SLC24A2: variants seen among roughly 807,000 people sequenced by gnomAD.
SLC24A2 encodes the protein sodium/potassium/calcium exchanger 2.
Under a neutral mutation model 62.0 loss-of-function variants are expected in SLC24A2, and 36 were observed. The ratio of observed to expected loss-of-function variants is 0.58; its 90% CI spans 0.44 to 0.77. SLC24A2 has a LOEUF of 0.77. Among genes scored for constraint, SLC24A2 ranks in the 30% least tolerant of loss-of-function variants. SLC24A2 has a pLI of 0.00. For synonymous variants in SLC24A2, 358 were observed against 294.0 expected (o/e 1.22, Z -2.23); for missense variants, 846 against 817.9 (o/e 1.03, Z -0.42).
chr9:19,566,153 G>C lies in SLC24A2; in HGVS notation c.1347+7198C>G, dbSNP rs555149264. ...ACTAAGGAGCTTCTGCACAGCAAAAGAAACTACCATCAGAGTGAACAGGCA... is the reference window on the plus strand; with the variant it reads ...ACTAAGGAGCTTCTGCACAGCAAAACAAACTACCATCAGAGTGAACAGGCA... On this transcript the variant is annotated intron_variant, in intron 7 of 10. Transcript: ENST00000341998. 4.3e-4 allele frequency among the ~76,000 whole-genome samples: 65 copies of C among 152,070 alleles called. No individual in the cohort carries two copies. The East Asian group carries it at 0.011, about 27-fold the overall frequency.
In SLC24A2 at chr9:19,514,010, C is replaced by T. The variant is rs2132614468; in HGVS notation, c.*2143G>A. The T allele has an allele frequency of 6.6e-6, 1 of 152,352 alleles. No individual in the cohort carries two copies. The highest frequency in any genetic ancestry group is 2.1e-4 in the South Asian group (1 of 4,826). 9.4% of individuals were successfully genotyped at this position (152,352 alleles called of 1,614,324 possible). A position where few individuals can be genotyped will look rare whatever the true frequency, so the allele number is the denominator to read the frequency against. ...CAATGTCTTGGAAGGCATTGTCCCACATCTGAAGACCCCAATCTGCCGAGT... is the reference window on the plus strand; with the variant it reads ...CAATGTCTTGGAAGGCATTGTCCCATATCTGAAGACCCCAATCTGCCGAGT... On this transcript the variant is annotated 3_prime_UTR_variant, in exon 11 of 11. Transcript: ENST00000341998.
chr9:20,171,711 T>C, the SLC24A2 span, among the ~76,000 whole-genome samples: 1 of 151,914 alleles, frequency 6.6e-6, no homozygotes, highest in Non-Finnish European at 1.5e-5. Context: ...GCTCCCAAAT[T>C]TATAAAACAA....
chr9:20,071,143 A>G, the SLC24A2 span, among the ~76,000 whole-genome samples: 1 of 152,188 alleles, frequency 6.6e-6, no homozygotes, highest in African/African-American at 2.4e-5. Context: ...CCACTCTAGA[A>G]GCAGAAGCTG....
At chr9:20,209,660 C>T in the SLC24A2 span, among the ~76,000 whole-genome samples, 3 of 152,130 alleles carry the variant, frequency 2.0e-5, no homozygotes, top group Non-Finnish European at 4.4e-5. Context: ...TGAAACCAAA[C>T]GCCAGCCACA....
At chr9:20,269,575 A>G in the SLC24A2 span, among the ~76,000 whole-genome samples, 1 of 152,150 alleles carries the variant, frequency 6.6e-6, no homozygotes, top group African/African-American at 2.4e-5. Flanking sequence ...TCTGCTTTTC[A>G]TGTACCCCTG....
At chr9:20,036,800 A>T in the SLC24A2 span, among the ~76,000 whole-genome samples, 1 of 152,192 alleles carries the variant, frequency 6.6e-6, no homozygotes, top group African/African-American at 2.4e-5. Flanking sequence ...CAAATGGTGT[A>T]GTATTTGCAT....
At chr9:19,526,000 AT>A (rs1833432278) in intron 9 of SLC24A2, among the ~76,000 whole-genome samples, 1 of 151,814 alleles carries the variant, frequency 6.6e-6, no homozygotes, top group African/African-American at 2.4e-5. Flanking sequence ...GTCACTCCCC[AT>A]TTTCCCCCAA....
the SLC24A2 span, among the ~76,000 whole-genome samples, chr9:20,027,277 G>A: frequency 6.6e-6 from 1 of 152,052 alleles, no homozygotes; most frequent in African/African-American, 2.4e-5. Context: ...ACTACCATAT[G>A]ATCCAGCAAT....
chr9:20,295,053 T>TACACACACACATACAC, the SLC24A2 span, among the ~76,000 whole-genome samples: 2 of 144,374 alleles, frequency 1.4e-5, no homozygotes, highest in East Asian at 4.2e-4. Flanking sequence ...TATATATATA[T>TACACACACACATACAC]ACACACACAC....
At chr9:20,253,762 C>A in the SLC24A2 span, among the ~76,000 whole-genome samples, 1 of 152,172 alleles carries the variant, frequency 6.6e-6, no homozygotes, top group Non-Finnish European at 1.5e-5. Flanking sequence ...TTCAGTCATG[C>A]AACCACACTT....
At chr9:20,127,752 A>G in the SLC24A2 span, among the ~76,000 whole-genome samples, 1 of 152,124 alleles carries the variant, frequency 6.6e-6, no homozygotes, top group Non-Finnish European at 1.5e-5. Flanking sequence ...AAGAAGTGCT[A>G]ACCATAGTGC....
chr9:19,812,022 T>C, the SLC24A2 span, among the ~76,000 whole-genome samples: 1 of 152,182 alleles, frequency 6.6e-6, no homozygotes, highest in South Asian at 2.1e-4. Context: ...TTTTGAAGAA[T>C]AATTTCACTG....
rs559584730 is a variant in SLC24A2 at position 19,597,109 on chromosome 9, G to C, written c.1129+120C>G. 98 of 731,024 alleles carry C rather than the reference G, an allele frequency of 1.3e-4. No homozygotes were observed. The African/African-American group carries it at 1.6e-3, about 12-fold the overall frequency. The allele number at this position is 731,024 out of a possible 1,614,324, so 45.3% of individuals were successfully genotyped here. On this transcript the variant is annotated intron_variant, in intron 5 of 10. Transcript: ENST00000341998. The stretch of plus-strand genomic sequence containing the variant: ...ACTAGACAAAAATGCAGAAAGAATA[G>C]TAAGTCACACAATGTCACTGAAGTC...
intron 2 of SLC24A2, among the ~76,000 whole-genome samples, chr9:19,730,613 T>C (rs572765389): frequency 2.6e-5 from 4 of 152,204 alleles, no homozygotes; most frequent in Non-Finnish European, 5.9e-5. Context: ...AAAAAGCTAG[T>C]TGTAGAATTT....
chr9:20,133,952 G>A, the SLC24A2 span, among the ~76,000 whole-genome samples: 1 of 152,254 alleles, frequency 6.6e-6, no homozygotes, highest in South Asian at 2.1e-4. Flanking sequence ...TGACAGAGGG[G>A]AAACTTCCAA....
chr9:20,118,921 C>T, the SLC24A2 span, among the ~76,000 whole-genome samples: 8 of 152,098 alleles, frequency 5.3e-5, no homozygotes, highest in Non-Finnish European at 1.2e-4. Context: ...AGATGTCACT[C>T]TCATGATTTC....
At chr9:19,550,326 C>T (rs1340293166) in intron 7 of SLC24A2, 58 bp from the exon 8 acceptor site, 41 of 1,561,728 alleles carry the variant, frequency 2.6e-5, no homozygotes, top group Non-Finnish European at 3.5e-5. Flanking sequence ...TACACAGGCA[C>T]AACAACAGGA....
the SLC24A2 span, among the ~76,000 whole-genome samples, chr9:20,083,933 T>C: frequency 6.6e-6 from 1 of 152,268 alleles, no homozygotes; most frequent in Non-Finnish European, 1.5e-5. Context: ...CTGTTAGCTC[T>C]GAGCCAAAGT....
chr9:19,761,816 AT>A (rs1489862666), intron 2 of SLC24A2, among the ~76,000 whole-genome samples: 4 of 152,122 alleles, frequency 2.6e-5, no homozygotes, highest in Non-Finnish European at 4.4e-5. Flanking sequence ...TGAACTCATC[AT>A]TTTTTATGGC....
Sources: gnomAD v4.1 joint callset for allele counts (sites outside exome capture counted in the v4.1 genomes callset) on GRCh38, gnomAD v4.1.1 for gene constraint, MANE v1.5 for transcripts, NCBI Gene and HGNC (gene_info 2026-07-23, HGNC 2026-07-21) for gene names.